TLR3: variants seen among roughly 807,000 people sequenced by gnomAD.
TLR3 encodes toll like receptor 3.
In TLR3, 43 loss-of-function variants were observed where a neutral mutation model predicts 66.4. The observed-to-expected ratio is 0.65, with a 90% CI of 0.51 to 0.83. The LOEUF (loss-of-function observed/expected upper bound fraction) is 0.83, where lower values mean the gene tolerates loss of function less well. TLR3 is among the 40% of genes least tolerant of loss of function. The probability of loss-of-function intolerance (pLI) is 0.00; values close to 1 mark genes in which losing one functional copy is unlikely to be tolerated. For synonymous variants in TLR3, 397 were observed against 397.2 expected (o/e 1.00, Z 0.01); for missense variants, 982 against 1,044.6 (o/e 0.94, Z 0.83).
chr4:186,071,043 G>A (rs1456306364), intron 1 of TLR3, among the ~76,000 whole-genome samples: 2 of 152,174 alleles, frequency 1.3e-5, no homozygotes, highest in African/African-American at 2.4e-5. Flanking sequence ...TAAATGTTTG[G>A]AAAGCTTATC....
At position 186,083,433 on chromosome 4, in the gene TLR3, A is replaced by C. The variant is rs368882892; in HGVS notation, c.1747A>C (p.Lys583Gln). 2 of 1,613,098 alleles carry C rather than the reference A, an allele frequency of 1.2e-6. No homozygotes were observed. Among genetic ancestry groups the C allele is most frequent in the African/African-American group, 2.7e-5 (2 of 74,816 alleles). The part of the protein sequence containing the change: ...GFDEIPVEVF[K>Q]DLFELKIIDL... ...TGACGAGATCCCAGTTGAGGTCTTC[A>C]AGGATTTATTTGAACTAAAGATCAT... Residue 583 changes from lysine to glutamine, a missense_variant, in exon 4 of 5, where the codon AAG becomes CAG. This residue lies in a region of TLR3 where 666 missense variants were observed against 709.0 expected (regional missense o/e 0.94). Coordinates refer to ENST00000296795, the MANE Select transcript of TLR3 (RefSeq NM_003265.3). This position sits in a 1 kb window ranked among gnomAD's most constrained non-coding sequence, Gnocchi z 4.0.
At chr4:186,077,984 T>A (rs1054102422) in intron 2 of TLR3, among the ~76,000 whole-genome samples, 1 of 152,220 alleles carries the variant, frequency 6.6e-6, no homozygotes, top group African/African-American at 2.4e-5. Context: ...TGTACAAATG[T>A]AAATATGCTG....
Position 186,076,594 on chromosome 4 carries a change from T to A in TLR3, c.-7-19T>A, listed in dbSNP as rs2099302491. The A allele has an allele frequency of 6.2e-7, 1 of 1,612,506 alleles. No individual in the cohort carries two copies. The highest frequency in any genetic ancestry group is 1.3e-5 in the African/African-American group (1 of 74,890). ...TGCTATTAATGTTGCTCATACTTTT[T>A]AATGTTTCTTTTCTACAGCAGAATC... is the stretch of plus-strand genomic sequence containing the variant. On this transcript the variant is annotated intron_variant, in intron 1 of 4. Coordinates refer to ENST00000296795, the MANE Select transcript of TLR3 (RefSeq NM_003265.3).
Position 186,086,296 on chromosome 4 carries a change from A to C in TLR3, c.*1423A>C, listed in dbSNP as rs575205730. The C allele has an allele frequency of 5.2e-5, 8 of 152,392 alleles. No homozygotes were observed. In the East Asian group the frequency reaches 1.5e-3, roughly 29 times the overall value. The allele number at this position is 152,392 out of a possible 1,614,324, so 9.4% of individuals were successfully genotyped here. ...AGTATTTAAAGAGAAACCTGAAATT[A>C]TAAAGCTGAGTTAATTTCTATACCT... On this transcript the variant is annotated 3_prime_UTR_variant, in exon 5 of 5. Transcript: ENST00000296795.
chr4:186,082,906 C>T lies in TLR3; in HGVS notation c.1220C>T (p.Ser407Phe), dbSNP rs372290492. The T allele has an allele frequency of 8.1e-6, 13 of 1,614,028 alleles. No homozygotes were observed. The highest frequency in any genetic ancestry group is 1.3e-5 in the African/African-American group (1 of 75,050). The change falls in exon 4 of 5, where the codon TCT becomes TTT. Residue 407 changes from serine (S) to phenylalanine (F), a missense_variant. Around this residue, in one of 3 missense-constraint regions of TLR3, gnomAD observed 666 missense variants for 709.0 expected, o/e 0.94. Coordinates refer to ENST00000296795, the MANE Select transcript of TLR3 (RefSeq NM_003265.3). ...GAAACATTTGTATCACTTGCTCATT[C>T]TCCCTTACACATACTCAACCTAACC... ...TNETFVSLAHSPLHILNLTKN... is the reference protein window; with the variant it reads ...TNETFVSLAHFPLHILNLTKN...
chr4:186,070,963 G>T (rs532423845), intron 1 of TLR3, among the ~76,000 whole-genome samples: 11 of 152,316 alleles, frequency 7.2e-5, no homozygotes, highest in African/African-American at 2.6e-4. Flanking sequence ...CTTCTAAAGT[G>T]CCGGGATTGT....
intron 1 of TLR3, among the ~76,000 whole-genome samples, chr4:186,069,548 G>C (rs1417536365): frequency 6.6e-6 from 1 of 152,158 alleles, no homozygotes; most frequent in African/African-American, 2.4e-5. Context: ...AAACACATTA[G>C]GGAAGCTATG....
At chr4:186,071,034 A>G (rs2099301370) in intron 1 of TLR3, among the ~76,000 whole-genome samples, 1 of 152,182 alleles carries the variant, frequency 6.6e-6, no homozygotes, top group Admixed American at 6.5e-5. Flanking sequence ...AATTTTCTCT[A>G]AATGTTTGGA....
chr4:186,069,813 G>A (rs928769823), intron 1 of TLR3, among the ~76,000 whole-genome samples: 2 of 152,204 alleles, frequency 1.3e-5, no homozygotes, highest in Admixed American at 1.3e-4. Context: ...AGGTGTATGG[G>A]AAGATCAGAA....
chr4:186,083,498 T>C lies in TLR3; in HGVS notation c.1812T>C (p.Ser604=). The change falls in exon 4 of 5, where the codon TCT becomes TCC. Residue 604 remains serine (S), a synonymous_variant. Transcript: ENST00000296795. This position sits in a 1 kb window ranked among gnomAD's most constrained non-coding sequence, Gnocchi z 4.0. ...GLNNLNTLPA[S]VFNNQVSLKS... Reference sequence around the variant, plus strand: ...ATAATTTAAACACACTTCCAGCATCTGTCTTTAATAATCAGGTGTCTCTAA... The same window carrying C: ...ATAATTTAAACACACTTCCAGCATCCGTCTTTAATAATCAGGTGTCTCTAA... The C allele has an allele frequency of 6.2e-7, 1 of 1,606,550 alleles. No homozygotes were observed. Among genetic ancestry groups the C allele is most frequent in the Non-Finnish European group, 8.5e-7 (1 of 1,175,682 alleles).
At chr4:186,072,872 C>T (rs905216594) in intron 1 of TLR3, among the ~76,000 whole-genome samples, 1 of 152,200 alleles carries the variant, frequency 6.6e-6, no homozygotes, top group African/African-American at 2.4e-5. Flanking sequence ...TTGTTCTAGG[C>T]ACAGACAACA....
chr4:186,082,309 C>G lies in TLR3; in HGVS notation c.634-11C>G. 1 of 1,460,066 alleles carries G rather than the reference C, an allele frequency of 6.8e-7. No homozygotes were observed. Among genetic ancestry groups the G allele is most frequent in the Non-Finnish European group, 9.2e-7 (1 of 1,091,844 alleles). The allele number at this position is 1,460,066 out of a possible 1,614,324, so 90.4% of individuals were successfully genotyped here. On this transcript the variant is annotated splice_polypyrimidine_tract_variant and intron_variant, in intron 3 of 4. Coordinates refer to ENST00000296795, the MANE Select transcript of TLR3 (RefSeq NM_003265.3). ...TTTGATTGTTAACCTCTTTTTTTTT[C>G]CTACCTTTAGTTTTCTCCAGGGTGT...
At position 186,087,595 on chromosome 4, in the gene TLR3, T is replaced by A. The variant is rs547769935; in HGVS notation, c.*2722T>A. 3 of 152,308 alleles carry A rather than the reference T, an allele frequency of 2.0e-5. No homozygotes were observed. The highest frequency in any genetic ancestry group is 7.2e-5 in the African/African-American group (3 of 41,566). The allele number at this position is 152,308 out of a possible 1,614,324, so 9.4% of individuals were successfully genotyped here. A position where few individuals can be genotyped will look rare whatever the true frequency, so the allele number is the denominator to read the frequency against. ...GAATCGACACTGAGTTTAAAATAAA[T>A]CTTGGTATTTAGGTTGTACCTAAAA... is the stretch of plus-strand genomic sequence containing the variant. On this transcript the variant is annotated 3_prime_UTR_variant, in exon 5 of 5. Transcript: ENST00000296795.
At chr4:186,069,724 G>A (rs1203154643) in intron 1 of TLR3, among the ~76,000 whole-genome samples, 2 of 152,166 alleles carry the variant, frequency 1.3e-5, no homozygotes, top group African/African-American at 4.8e-5. Context: ...GAACATTCAG[G>A]TATGCCTAGG....
intron 1 of TLR3, among the ~76,000 whole-genome samples, chr4:186,070,397 G>A (rs1050803342): frequency 4.6e-5 from 7 of 151,086 alleles, no homozygotes; most frequent in Admixed American, 6.6e-5. Flanking sequence ...TTCATTTATC[G>A]ATTTAGAGAC....
chr4:186,082,044 G>A (rs1225947931), intron 3 of TLR3: 4 of 422,612 alleles, frequency 9.5e-6, no homozygotes, highest in African/African-American at 4.1e-5. Context: ...GGCCTACACG[G>A]TGAAACCCCG....
Position 186,082,805 on chromosome 4 carries a change from T to C in TLR3, c.1119T>C (p.Asn373=), listed in dbSNP as rs1038210338. The C allele has an allele frequency of 1.2e-6, 2 of 1,614,152 alleles. No homozygotes were observed. The highest frequency in any genetic ancestry group is 8.5e-7 in the Non-Finnish European group (1 of 1,180,022). ...EDNDIPGIKS[N]MFTGLINLKY... ...ATGATATTCCAGGCATAAAAAGCAATATGTTCACAGGATTGATAAACCTGA... is the reference window on the plus strand; with the variant it reads ...ATGATATTCCAGGCATAAAAAGCAACATGTTCACAGGATTGATAAACCTGA... Residue 373 remains asparagine, a synonymous_variant, in exon 4 of 5, where the codon AAT becomes AAC. Transcript: ENST00000296795.
In TLR3 at chr4:186,083,683, C is replaced by G. The variant is rs1369271006; in HGVS notation, c.1997C>G (p.Thr666Ser). The change falls in exon 4 of 5, where the codon ACC (threonine) becomes AGC (serine). Residue 666 changes from threonine to serine, a missense_variant. Transcript: ENST00000296795. This position sits in a 1 kb window ranked among gnomAD's most constrained non-coding sequence, Gnocchi z 4.0. ...GTTAATTGGATTAACGAGACCCATA[C>G]CAACATCCCTGAGCTGTCAAGCCAC... ...WFVNWINETH[T>S]NIPELSSHYL... The G allele has an allele frequency of 1.9e-6, 3 of 1,598,688 alleles. No homozygotes were observed. Among genetic ancestry groups the G allele is most frequent in the Non-Finnish European group, 2.6e-6 (3 of 1,172,078 alleles).
In TLR3 at chr4:186,086,535, A is replaced by C. The variant is rs953477542; in HGVS notation, c.*1662A>C. 2 of 152,248 alleles carry C rather than the reference A, an allele frequency of 1.3e-5. No individual in the cohort carries two copies. The highest frequency in any genetic ancestry group is 4.8e-5 in the African/African-American group (2 of 41,456). 9.4% of individuals were successfully genotyped at this position (152,248 alleles called of 1,614,324 possible). A position where few individuals can be genotyped will look rare whatever the true frequency, so the allele number is the denominator to read the frequency against. On this transcript the variant is annotated 3_prime_UTR_variant, in exon 5 of 5. Transcript: ENST00000296795. ...CTTTCATGTTATTTGCCACCCTGAC[A>C]GCTGAGACACTGCTTTTCAGCATTT...
Sources: allele counts gnomAD v4.1 joint callset (sites outside exome capture counted in the v4.1 genomes callset), GRCh38; gene constraint gnomAD v4.1.1; regional missense constraint gnomAD v4.1.1; non-coding constraint Gnocchi (gnomAD v3.1); transcripts MANE v1.5; gene names NCBI Gene and HGNC (gene_info 2026-07-23, HGNC 2026-07-21).